PCDH9: variants seen among roughly 807,000 people sequenced by gnomAD.
PCDH9 encodes the protein protocadherin 9, also known as protocadherin-9.
Under a neutral mutation model 70.6 loss-of-function variants are expected in PCDH9, and 24 were observed. The observed-to-expected ratio is 0.34, with a 90% confidence interval of 0.25 to 0.48. The LOEUF (loss-of-function observed/expected upper bound fraction) is 0.48. PCDH9 is among the 20% of genes least tolerant of loss of function. The pLI is 0.99. For missense variants in PCDH9, 1,281 were observed against 1,503.6 expected (o/e 0.85, Z 2.45); for synonymous variants, 562 against 558.5 (o/e 1.01, Z -0.09).
chr13:66,901,093 C>T lies in PCDH9; in HGVS notation c.3138+2411G>A, dbSNP rs115061707. On this transcript the variant is annotated intron_variant, in intron 3 of 4. Coordinates refer to ENST00000377865, the MANE Select transcript of PCDH9 (RefSeq NM_203487.3). ...CAGATATTAAGCATTTATACAGAAACCTTGCATCTTAGAATGTTTTAAAAA... is the reference window on the plus strand; with the variant it reads ...CAGATATTAAGCATTTATACAGAAATCTTGCATCTTAGAATGTTTTAAAAA... Among the ~76,000 whole-genome samples, 1,205 of 151,574 alleles carry T rather than the reference C, an allele frequency of 7.9e-3. 14 individuals carry two copies. The highest frequency in any genetic ancestry group is 0.028 in the African/African-American group (1,152 of 41,436).
chr13:66,499,576 C>A (rs1959166392), intron 4 of PCDH9, among the ~76,000 whole-genome samples: 1 of 152,096 alleles, frequency 6.6e-6, no homozygotes, highest in Non-Finnish European at 1.5e-5. Flanking sequence ...GCTACACTGC[C>A]CATGGGAGTG....
At chr13:66,347,402 G>A (rs1956228455) in intron 4 of PCDH9, among the ~76,000 whole-genome samples, 1 of 152,052 alleles carries the variant, frequency 6.6e-6, no homozygotes, top group Admixed American at 6.6e-5. Flanking sequence ...CTTAGGCTAT[G>A]GTGGAGACTG....
At chr13:67,131,621 C>T (rs1436664594) in intron 2 of PCDH9, among the ~76,000 whole-genome samples, 1 of 151,680 alleles carries the variant, frequency 6.6e-6, no homozygotes, top group Non-Finnish European at 1.5e-5. Context: ...TGCATTAATA[C>T]AATTATGGGG....
At chr13:66,718,973 G>A (rs2078906520) in intron 3 of PCDH9, among the ~76,000 whole-genome samples, 1 of 152,230 alleles carries the variant, frequency 6.6e-6, no homozygotes, top group South Asian at 2.1e-4. Flanking sequence ...CTGAGGTTGA[G>A]TGATCAAGAA....
At chr13:67,063,143 A>G (rs966959004) in intron 2 of PCDH9, among the ~76,000 whole-genome samples, 5 of 152,070 alleles carry the variant, frequency 3.3e-5, no homozygotes, top group Non-Finnish European at 5.9e-5. Flanking sequence ...TGTTAATTGT[A>G]CTCACTTTGT....
chr13:67,101,723 T>G (rs1274345278), intron 2 of PCDH9, among the ~76,000 whole-genome samples: 1 of 147,784 alleles, frequency 6.8e-6, no homozygotes, highest in Non-Finnish European at 1.5e-5. Flanking sequence ...AATCTACTGA[T>G]TTTTAACTCT....
At chr13:66,640,611 T>C (rs547918285) in intron 3 of PCDH9, among the ~76,000 whole-genome samples, 1 of 152,168 alleles carries the variant, frequency 6.6e-6, no homozygotes, top group South Asian at 2.1e-4. Context: ...AGGGAAAAGA[T>C]TGTAATTACC....
At chr13:66,568,495 A>G (rs1400192572) in intron 4 of PCDH9, among the ~76,000 whole-genome samples, 1 of 148,328 alleles carries the variant, frequency 6.7e-6, no homozygotes, top group Non-Finnish European at 1.5e-5. Context: ...CAGCCTAAGC[A>G]ACATAGTGAG....
chr13:66,644,097 TG>T (rs1306688118), intron 3 of PCDH9, among the ~76,000 whole-genome samples: 1 of 152,026 alleles, frequency 6.6e-6, no homozygotes, highest in East Asian at 1.9e-4. Context: ...TTAAAGATGA[TG>T]AACAAATTGC....
At chr13:67,094,663 TTC>T (rs1283833127) in intron 2 of PCDH9, among the ~76,000 whole-genome samples, 1 of 144,738 alleles carries the variant, frequency 6.9e-6, no homozygotes, top group Non-Finnish European at 1.6e-5. Flanking sequence ...CAGATTCTTC[TTC>T]TTTTTTTTTT....
chr13:66,986,255 C>T (rs1033481554), intron 2 of PCDH9, among the ~76,000 whole-genome samples: 19 of 151,878 alleles, frequency 1.3e-4, no homozygotes, highest in African/African-American at 4.6e-4. Context: ...GAGTAACTGG[C>T]TTCATGATTC....
At chr13:67,064,936 A>ATAGATAGATAGC in intron 2 of PCDH9, among the ~76,000 whole-genome samples, 1 of 146,880 alleles carries the variant, frequency 6.8e-6, no homozygotes, top group South Asian at 2.2e-4. Context: ...AGATAGATAG[A>ATAGATAGATAGC]TAGCAGAGAG....
chr13:66,690,747 T>C (rs2078471793), intron 3 of PCDH9, among the ~76,000 whole-genome samples: 1 of 152,212 alleles, frequency 6.6e-6, no homozygotes, highest in African/African-American at 2.4e-5. Flanking sequence ...ATAAGTTTCC[T>C]GGTTTTATTC....
chr13:66,723,151 C>T (rs1458559731), intron 3 of PCDH9, among the ~76,000 whole-genome samples: 5 of 151,844 alleles, frequency 3.3e-5, no homozygotes, highest in African/African-American at 7.3e-5. Context: ...TGCAATCAAA[C>T]ATTTTCTAAT....
At chr13:66,696,317 TTGA>T (rs1479780967) in intron 3 of PCDH9, among the ~76,000 whole-genome samples, 3 of 152,260 alleles carry the variant, frequency 2.0e-5, no homozygotes, top group Non-Finnish European at 4.4e-5. Flanking sequence ...TCAGTTATCA[TTGA>T]TGTACTTTTC....
At chr13:66,407,998 A>G (rs561290882) in intron 4 of PCDH9, among the ~76,000 whole-genome samples, 2 of 152,292 alleles carry the variant, frequency 1.3e-5, no homozygotes, top group African/African-American at 4.8e-5. Flanking sequence ...GATTTTAAAC[A>G]AAATTCAAGT....
chr13:66,769,566 T>A (rs921442428), intron 3 of PCDH9, among the ~76,000 whole-genome samples: 1 of 151,902 alleles, frequency 6.6e-6, no homozygotes, highest in Non-Finnish European at 1.5e-5. Flanking sequence ...TCAACCGAAA[T>A]ATGCTTATGC....
chr13:66,444,717 G>A (rs1336814696), intron 4 of PCDH9, among the ~76,000 whole-genome samples: 1 of 151,684 alleles, frequency 6.6e-6, no homozygotes, highest in Non-Finnish European at 1.5e-5. Context: ...TGTGCCACCA[G>A]GCCTGGCTAA....
intron 2 of PCDH9, among the ~76,000 whole-genome samples, chr13:66,993,679 G>A (rs1029292287): frequency 2.0e-4 from 31 of 152,328 alleles, no homozygotes; most frequent in African/African-American, 7.2e-4. Flanking sequence ...AGCAATCAAT[G>A]AGTGAATAAG....
Sources: gnomAD v4.1 joint callset for allele counts (sites outside exome capture counted in the v4.1 genomes callset) on GRCh38, gnomAD v4.1.1 for gene constraint, MANE v1.5 for transcripts, NCBI Gene and HGNC (gene_info 2026-07-23, HGNC 2026-07-21) for gene names.